Variants in ASAP2 observed in about 807,000 individuals in gnomAD.
The protein encoded by ASAP2 is arf-GAP with SH3 domain, ANK repeat and PH domain-containing protein 2.
ASAP2 carries 45 observed loss-of-function variants against 131.4 expected under a neutral mutation model. That is an observed-to-expected ratio of 0.34 (90% confidence interval 0.27 to 0.44). The LOEUF is 0.44. Among genes scored for constraint, ASAP2 ranks in the 20% least tolerant of loss-of-function variants. The pLI is 1.00. For missense variants in ASAP2, 1,011 were observed against 1,297.0 expected (o/e 0.78, Z 3.39); for synonymous variants, 510 against 503.0 (o/e 1.01, Z -0.19).
intron 2 of ASAP2, among the ~76,000 whole-genome samples, chr2:9,291,053 T>C (rs936490187): frequency 1.3e-5 from 2 of 152,246 alleles, no homozygotes; most frequent in Admixed American, 1.3e-4. Context: ...TTTTTTAAAC[T>C]TGGCTTTCTG....
intron 1 of ASAP2, among the ~76,000 whole-genome samples, chr2:9,262,678 C>A (rs1444088274): frequency 6.6e-6 from 1 of 152,214 alleles, no homozygotes; most frequent in Non-Finnish European, 1.5e-5. Flanking sequence ...AGCCTCTGTT[C>A]ACAGTCACAA....
intron 12 of ASAP2, among the ~76,000 whole-genome samples, chr2:9,352,790 T>C (rs1428930638): frequency 6.6e-6 from 1 of 152,188 alleles, no homozygotes; most frequent in Non-Finnish European, 1.5e-5. Context: ...CATTGAAACA[T>C]CTTCAGGAAG....
In ASAP2 at chr2:9,389,355, G is replaced by GCACAGAGC. The variant is rs1292407502; in HGVS notation, c.2383+810_2383+817dup. On this transcript the variant is annotated intron_variant, in intron 22 of 27. Transcript: ENST00000281419. This position sits in a 1 kb window ranked among gnomAD's most constrained non-coding sequence, Gnocchi z 4.7. ...GGGGGCCCAGGAAGGACAAGAGTCTGCACAGAGCATGTATCCAGGCATTGT... is the reference window on the plus strand; with the variant it reads ...GGGGGCCCAGGAAGGACAAGAGTCTGCACAGAGCCACAGAGCATGTATCCAGGCATTGT... 6.6e-6 allele frequency among the ~76,000 whole-genome samples: 1 copy of GCACAGAGC among 152,194 alleles called. No homozygotes were observed. Among genetic ancestry groups the GCACAGAGC allele is most frequent in the Non-Finnish European group, 1.5e-5 (1 of 68,032 alleles).
At chr2:9,337,743 T>C (rs73148734) in intron 9 of ASAP2, among the ~76,000 whole-genome samples, 4,594 of 152,288 alleles carry the variant, frequency 0.03, 236 homozygotes, top group African/African-American at 0.11. Flanking sequence ...AGTGTGGAGC[T>C]TGTGCCGTTC....
chr2:9,254,226 A>G (rs1189805945), intron 1 of ASAP2, among the ~76,000 whole-genome samples: 1 of 72,374 alleles, frequency 1.4e-5, no homozygotes, highest in East Asian at 2.2e-4. Flanking sequence ...AAAAAAAAAA[A>G]AAAAAAAAAA....
At position 9,254,663 on chromosome 2, in the gene ASAP2, C is replaced by T. The variant is rs180907709; in HGVS notation, c.127-24654C>T. 3.0e-3 allele frequency among the ~76,000 whole-genome samples: 452 copies of T among 150,656 alleles called. 2 individuals are homozygous for T. The highest frequency in any genetic ancestry group is 4.3e-3 in the Non-Finnish European group (289 of 67,756). On this transcript the variant is annotated intron_variant, in intron 1 of 27. Coordinates refer to ENST00000281419, the MANE Select transcript of ASAP2 (RefSeq NM_003887.3). Reference sequence around the variant, plus strand: ...TGCTGGGATTACAGGTTTGAGCCACCGTCCCCGGCCTATAAACTAAACTTT... The same window carrying T: ...TGCTGGGATTACAGGTTTGAGCCACTGTCCCCGGCCTATAAACTAAACTTT...
rs549815747 is a variant in ASAP2 at position 9,371,891 on chromosome 2, C to T, written c.1557-2864C>T. 7.0e-4 allele frequency among the ~76,000 whole-genome samples: 106 copies of T among 152,044 alleles called. 1 individual carries two copies. Among genetic ancestry groups the T allele is most frequent in the East Asian group, 1.9e-4 (1 of 5,154 alleles). On this transcript the variant is annotated intron_variant, in intron 16 of 27. Transcript: ENST00000281419. ...CAGCACTTTGGGAGGCCGAGGTGGGCGGATCACGAGGTCAGGAGATCGAGA... is the reference window on the plus strand; with the variant it reads ...CAGCACTTTGGGAGGCCGAGGTGGGTGGATCACGAGGTCAGGAGATCGAGA...
chr2:9,380,834 G>T, intron 20 of ASAP2, 26 bp downstream of exon 20: 3 of 1,611,194 alleles, frequency 1.9e-6, no homozygotes, highest in Non-Finnish European at 2.5e-6. Flanking sequence ...CAAGGACGGG[G>T]TGGGGCACCT....
chr2:9,310,727 G>A (rs1431976255), intron 3 of ASAP2, among the ~76,000 whole-genome samples: 1 of 152,166 alleles, frequency 6.6e-6, no homozygotes, highest in Admixed American at 6.5e-5. Flanking sequence ...GTGGGGGAAA[G>A]TAGAAAGTGA....
chr2:9,310,024 C>G (rs975855019), intron 3 of ASAP2, among the ~76,000 whole-genome samples: 1 of 152,178 alleles, frequency 6.6e-6, no homozygotes, highest in African/African-American at 2.4e-5. Context: ...CTCTGATACC[C>G]TTGTTAATGC....
intron 1 of ASAP2, among the ~76,000 whole-genome samples, chr2:9,249,306 T>C (rs1308877415): frequency 2.6e-5 from 4 of 152,232 alleles, no homozygotes; most frequent in Non-Finnish European, 5.9e-5. Context: ...AGCCTGCCCG[T>C]GGCCTGTCTG....
At chr2:9,214,532 G>A (rs748653584) in intron 1 of ASAP2, among the ~76,000 whole-genome samples, 5 of 151,812 alleles carry the variant, frequency 3.3e-5, no homozygotes, top group Admixed American at 3.3e-4. Flanking sequence ...GAGCCGCTGC[G>A]CCCGGCTGCC....
intron 12 of ASAP2, among the ~76,000 whole-genome samples, chr2:9,352,212 AACACACACACACACACACAC>A (rs58275721): frequency 6.7e-6 from 1 of 149,966 alleles, no homozygotes; most frequent in East Asian, 2.0e-4. Context: ...AACACACACA[AACACACACACACACACACAC>A]ACACACACAC....
intron 1 of ASAP2, among the ~76,000 whole-genome samples, chr2:9,256,215 A>T (rs1665152583): frequency 6.6e-6 from 1 of 151,818 alleles, no homozygotes. Context: ...CAATTAATTC[A>T]TTTAATGAAT....
intron 1 of ASAP2, among the ~76,000 whole-genome samples, chr2:9,266,827 C>T (rs1475241136): frequency 6.6e-6 from 1 of 152,154 alleles, no homozygotes; most frequent in Non-Finnish European, 1.5e-5. Flanking sequence ...TGGGAAGCGC[C>T]TGATGCTGGG....
chr2:9,271,364 A>T, intron 1 of ASAP2: 1 of 1,277,330 alleles, frequency 7.8e-7, no homozygotes, highest in African/African-American at 1.5e-5. Flanking sequence ...ATGTTCTTGC[A>T]CCTGTCACCC....
rs777210787 is a variant in ASAP2, at chr2:9,393,543, G to A, written c.2580G>A (p.Leu860=). Residue 860 remains leucine (L), a synonymous_variant, in exon 24 of 28, where the codon TTG becomes TTA. Transcript: ENST00000281419. ...AGACGCCCAGCGTAATGGAAGCCTT[G>A]AGCCAGCCGAGCAAGCCTGCCCCGC... ...VAKTPSVMEA[L]SQPSKPAPPG... is the part of the protein sequence containing the mutation. 1 of 1,593,712 alleles carries A rather than the reference G, an allele frequency of 6.3e-7. No homozygotes were observed. Among genetic ancestry groups the A allele is most frequent in the South Asian group, 1.1e-5 (1 of 88,784 alleles).
chr2:9,331,036 C>G (rs1372915660), intron 7 of ASAP2, among the ~76,000 whole-genome samples: 2 of 152,244 alleles, frequency 1.3e-5, no homozygotes, highest in East Asian at 3.9e-4. Context: ...AGCTCGCAGC[C>G]GTGCGTGTTT....
chr2:9,337,488 C>T (rs1025129012), intron 9 of ASAP2, among the ~76,000 whole-genome samples: 6 of 152,174 alleles, frequency 3.9e-5, no homozygotes, highest in African/African-American at 1.4e-4. Context: ...GTGACTTAGA[C>T]AACTGAAGGT....
Sources: allele counts gnomAD v4.1 joint callset (sites outside exome capture counted in the v4.1 genomes callset), GRCh38; gene constraint gnomAD v4.1.1; non-coding constraint Gnocchi (gnomAD v3.1); transcripts MANE v1.5; gene names NCBI Gene and HGNC (gene_info 2026-07-23, HGNC 2026-07-21).